The following STK32B variants were observed in gnomAD, a reference collection of about 807,000 sequenced individuals.
STK32B encodes serine/threonine-protein kinase 32B.
A neutral mutation model predicts 52.6 loss-of-function variants in STK32B; 43 were observed. The observed-to-expected ratio is 0.82, with a 90% CI of 0.64 to 1.05. STK32B has a LOEUF of 1.05. STK32B is among the 50% of genes least tolerant of loss of function. The pLI is 0.00. For synonymous variants in STK32B, 238 were observed against 204.3 expected (o/e 1.17, Z -1.41); for missense variants, 621 against 534.6 (o/e 1.16, Z -1.59).
rs535325086 is a variant in STK32B at position 5,218,780 on chromosome 4, G to A, written c.260+50330G>A. ...GAGTAGAAGGTGGTTTCCTTGCTGG[G>A]CCAAGAAAACGGTCAAGTGTTCTCC... On this transcript the variant is annotated intron_variant, in intron 3 of 11. Coordinates refer to ENST00000282908, the MANE Select transcript of STK32B (RefSeq NM_018401.3). Among the ~76,000 whole-genome samples, 20 of 152,268 alleles carry A rather than the reference G, an allele frequency of 1.3e-4. No individual in the cohort carries two copies. In the South Asian group the frequency reaches 3.7e-3, roughly 28 times the overall value.
At chr4:5,125,279 T>A (rs1715294060) in intron 1 of STK32B, among the ~76,000 whole-genome samples, 1 of 152,202 alleles carries the variant, frequency 6.6e-6, no homozygotes, top group Admixed American at 6.5e-5. Context: ...TACAGAACAG[T>A]GAGTTAGTAA....
chr4:5,246,127 T>C (rs901511537), intron 3 of STK32B, among the ~76,000 whole-genome samples: 2 of 152,244 alleles, frequency 1.3e-5, no homozygotes, highest in Non-Finnish European at 1.5e-5. Context: ...CCTGCCTTGC[T>C]AGATTGGGGA....
chr4:5,214,507 C>G (rs1560231273), intron 3 of STK32B, among the ~76,000 whole-genome samples: 1 of 152,308 alleles, frequency 6.6e-6, no homozygotes, highest in East Asian at 1.9e-4. Flanking sequence ...TGTAGACATT[C>G]ATGGTCCCCA....
chr4:5,175,226 A>G (rs1342829054), intron 3 of STK32B, among the ~76,000 whole-genome samples: 1 of 151,626 alleles, frequency 6.6e-6, no homozygotes, highest in African/African-American at 2.4e-5. Context: ...CAAGTTTTTT[A>G]ACTTCTTTGC....
chr4:5,495,720 G>A (rs1286171211), intron 11 of STK32B, among the ~76,000 whole-genome samples: 2 of 152,020 alleles, frequency 1.3e-5, no homozygotes, highest in African/African-American at 2.4e-5. Context: ...TCTACTTTTG[G>A]TCTTTGATGA....
At chr4:5,071,907 T>G (rs183926383) in intron 1 of STK32B, among the ~76,000 whole-genome samples, 15 of 152,268 alleles carry the variant, frequency 9.9e-5, no homozygotes, top group African/African-American at 2.9e-4. Context: ...TTGAGAAACA[T>G]TTTTCTTTCT....
chr4:5,201,509 A>C (rs533372888), intron 3 of STK32B, among the ~76,000 whole-genome samples: 1 of 152,244 alleles, frequency 6.6e-6, no homozygotes, highest in Admixed American at 6.5e-5. Flanking sequence ...ATTGTATCCC[A>C]CTCTGAAAGA....
At chr4:5,465,185 A>C (rs370249404) in intron 9 of STK32B, among the ~76,000 whole-genome samples, 1 of 152,190 alleles carries the variant, frequency 6.6e-6, no homozygotes, top group Non-Finnish European at 1.5e-5. Context: ...CGAATGACAC[A>C]GTGACAACAA....
chr4:5,162,250 G>A lies in STK32B; in HGVS notation c.109-6049G>A, dbSNP rs560760524. Reference sequence around the variant, plus strand: ...CCATAAAGGACACTGTGAAGACACCGAACGAGGACTTTCTTGAAGATTGCA... The same window carrying A: ...CCATAAAGGACACTGTGAAGACACCAAACGAGGACTTTCTTGAAGATTGCA... On this transcript the variant is annotated intron_variant, in intron 2 of 11. Coordinates refer to ENST00000282908, the MANE Select transcript of STK32B (RefSeq NM_018401.3). Among the ~76,000 whole-genome samples the A allele has an allele frequency of 7.2e-4, 110 of 152,306 alleles. No homozygotes were observed. The South Asian group carries it at 0.022, about 31-fold the overall frequency.
rs368689062 is a variant in STK32B, at chr4:5,286,001, C to G, written c.261-45219C>G. Among the ~76,000 whole-genome samples, 40 of 152,144 alleles carry G rather than the reference C, an allele frequency of 2.6e-4. 1 individual carries two copies. Among genetic ancestry groups the G allele is most frequent in the African/African-American group, 9.2e-4 (38 of 41,500 alleles). On this transcript the variant is annotated intron_variant, in intron 3 of 11. Transcript: ENST00000282908. ...TCCATATAGAAAGAGGAGATTAGGA[C>G]CCACAGAGACACAGAGGGAGGATCA...
At chr4:5,429,279 T>C (rs910951837) in intron 6 of STK32B, among the ~76,000 whole-genome samples, 2 of 152,204 alleles carry the variant, frequency 1.3e-5, no homozygotes, top group Non-Finnish European at 2.9e-5. Flanking sequence ...TTAGACCACT[T>C]ATATTTAATA....
chr4:5,492,869 G>A (rs1216769534), intron 11 of STK32B, among the ~76,000 whole-genome samples: 1 of 150,828 alleles, frequency 6.6e-6, no homozygotes, highest in Non-Finnish European at 1.5e-5. Context: ...TTTATATGCT[G>A]GATTACATTT....
chr4:5,335,960 C>T lies in STK32B; in HGVS notation c.434+4567C>T, dbSNP rs1475826496. Among the ~76,000 whole-genome samples, 14 of 151,308 alleles carry T rather than the reference C, an allele frequency of 9.3e-5. No homozygotes were observed. The East Asian group carries it at 1.2e-3, about 13-fold the overall frequency. ...CTGAAAACTTAAGTAGTATTGAGAACGCAGACCTCTTTCCCAACTCTGCAG... is the reference window on the plus strand; with the variant it reads ...CTGAAAACTTAAGTAGTATTGAGAATGCAGACCTCTTTCCCAACTCTGCAG... On this transcript the variant is annotated intron_variant, in intron 4 of 11. Coordinates refer to ENST00000282908, the MANE Select transcript of STK32B (RefSeq NM_018401.3).
intron 4 of STK32B, among the ~76,000 whole-genome samples, chr4:5,339,781 G>A (rs1732953220): frequency 6.6e-6 from 1 of 152,148 alleles, no homozygotes; most frequent in Non-Finnish European, 1.5e-5. Flanking sequence ...AAATGCTCCT[G>A]ATTAAACCTA....
At chr4:5,212,823 G>A (rs1242650459) in intron 3 of STK32B, among the ~76,000 whole-genome samples, 1 of 152,194 alleles carries the variant, frequency 6.6e-6, no homozygotes, top group East Asian at 1.9e-4. Context: ...GAGTTGGCCT[G>A]CAAGAGATCT....
intron 3 of STK32B, among the ~76,000 whole-genome samples, chr4:5,301,777 T>C (rs1365294970): frequency 6.6e-6 from 1 of 150,988 alleles, no homozygotes; most frequent in Non-Finnish European, 1.5e-5. Flanking sequence ...TTAGTTTATC[T>C]TTTATTTCAT....
intron 3 of STK32B, among the ~76,000 whole-genome samples, chr4:5,280,540 T>C (rs182337349): frequency 6.6e-6 from 1 of 152,326 alleles, no homozygotes; most frequent in East Asian, 1.9e-4. Flanking sequence ...GGTATCTTTA[T>C]AGAAATGCCC....
chr4:5,249,425 TCCTTCCTTCCTACCTA>T (rs1400594142), intron 3 of STK32B, among the ~76,000 whole-genome samples: 42 of 53,492 alleles, frequency 7.9e-4, no homozygotes, highest in African/African-American at 1.9e-3. Flanking sequence ...TGTCTGTTCT[TCCTTCCTTCCTACCTA>T]CCTTCCTTCC....
chr4:5,045,558 T>C, the STK32B span, among the ~76,000 whole-genome samples: 1 of 152,236 alleles, frequency 6.6e-6, no homozygotes, highest in African/African-American at 2.4e-5. Context: ...TGGAAGGTTT[T>C]TCCATTTGTT....
Sources: gnomAD v4.1 joint callset for allele counts (sites outside exome capture counted in the v4.1 genomes callset) on GRCh38, gnomAD v4.1.1 for gene constraint, MANE v1.5 for transcripts, NCBI Gene and HGNC (gene_info 2026-07-23, HGNC 2026-07-21) for gene names.